The following TRPM3 variants were observed in gnomAD, a reference collection of about 807,000 sequenced individuals.
TRPM3 encodes long transient receptor potential channel 3.
Under a neutral mutation model 181.2 loss-of-function variants are expected in TRPM3, and 77 were observed. The observed-to-expected ratio is 0.42, with a 90% CI of 0.35 to 0.51. TRPM3 has a LOEUF of 0.51. Ranked by LOEUF, TRPM3 falls within the 20% of genes least tolerant of loss-of-function variation. The pLI is 0.01. For synonymous variants in TRPM3, 745 were observed against 796.4 expected, an observed-to-expected ratio of 0.94 and a Z score of 1.09; for missense variants, 1,759 against 2,196.7, an observed-to-expected ratio of 0.80 and a Z score of 3.98.
intron 1 of TRPM3, among the ~76,000 whole-genome samples, chr9:71,175,841 G>C (rs924630377): frequency 6.6e-6 from 1 of 152,190 alleles, no homozygotes; most frequent in African/African-American, 2.4e-5. Flanking sequence ...TTCTCAAATA[G>C]AGTCATGTAC....
chr9:70,542,797 C>A (rs1430248297), intron 25 of TRPM3, among the ~76,000 whole-genome samples: 1 of 152,146 alleles, frequency 6.6e-6, no homozygotes, highest in Non-Finnish European at 1.5e-5. Context: ...CAAAAGCAAT[C>A]CCGTATTGCA....
At chr9:70,905,860 C>T (rs1372835811) in intron 1 of TRPM3, among the ~76,000 whole-genome samples, 1 of 152,040 alleles carries the variant, frequency 6.6e-6, no homozygotes, top group Non-Finnish European at 1.5e-5. Context: ...CCTCCCACTT[C>T]CCGGGTAGCT....
At chr9:71,343,975 T>C (rs1247040783) in intron 1 of TRPM3, among the ~76,000 whole-genome samples, 1 of 151,960 alleles carries the variant, frequency 6.6e-6, no homozygotes, top group Non-Finnish European at 1.5e-5. Flanking sequence ...TGATAACAAT[T>C]ATAACCTATT....
intron 1 of TRPM3, among the ~76,000 whole-genome samples, chr9:71,399,521 C>CTTTTTTTTTTTTTTTTTTTTT (rs1415739241): frequency 9.3e-6 from 1 of 107,518 alleles, no homozygotes. Flanking sequence ...CTTATATTTT[C>CTTTTTTTTTTTTTTTTTTTTT]TTTTGTTTTT....
intron 1 of TRPM3, among the ~76,000 whole-genome samples, chr9:71,235,315 C>G (rs1015244366): frequency 1.3e-5 from 2 of 152,206 alleles, no homozygotes; most frequent in African/African-American, 4.8e-5. Context: ...GAAGTTTACC[C>G]TGATTTGTCA....
rs936536640 is a variant in TRPM3 at position 70,990,531 on chromosome 9, A to G, written c.178-126020T>C. 2.6e-5 allele frequency among the ~76,000 whole-genome samples: 4 copies of G among 152,284 alleles called. No individual in the cohort carries two copies. The South Asian group carries it at 8.3e-4, about 32-fold the overall frequency. On this transcript the variant is annotated intron_variant, in intron 1 of 25. Transcript: ENST00000677713. ...TTCCCTAGATCCCTGTTCCTTTATC[A>G]TATGTGCTTGGATCCAAAACACCCT...
At chr9:71,184,092 T>C (rs117241890) in intron 1 of TRPM3, among the ~76,000 whole-genome samples, 115 of 152,236 alleles carry the variant, frequency 7.6e-4, no homozygotes, top group Non-Finnish European at 1.3e-3. Context: ...AGATTTTTAA[T>C]GCAAATCTCC....
chr9:70,806,703 A>AAT (rs2090771050), intron 6 of TRPM3, among the ~76,000 whole-genome samples: 1 of 151,530 alleles, frequency 6.6e-6, no homozygotes, highest in African/African-American at 2.4e-5. Context: ...AATAAAATAA[A>AAT]ATAAAATAAA....
intron 1 of TRPM3, among the ~76,000 whole-genome samples, chr9:71,146,178 C>T (rs2075396008): frequency 6.6e-6 from 1 of 152,134 alleles, no homozygotes; most frequent in Non-Finnish European, 1.5e-5. Context: ...CTTAGACGTT[C>T]CTTCGTTTTT....
At chr9:71,349,908 T>C (rs1244303352) in intron 1 of TRPM3, among the ~76,000 whole-genome samples, 1 of 151,252 alleles carries the variant, frequency 6.6e-6, no homozygotes, top group Non-Finnish European at 1.5e-5. Context: ...CATAATAGTG[T>C]TCTCATTGTA....
chr9:70,566,243 A>T (rs2050550458), intron 22 of TRPM3, among the ~76,000 whole-genome samples: 1 of 152,176 alleles, frequency 6.6e-6, no homozygotes, highest in Non-Finnish European at 1.5e-5. Flanking sequence ...TGGTGGTGGT[A>T]AGCCACACTA....
chr9:70,617,052 A>G (rs1259177071), intron 17 of TRPM3, among the ~76,000 whole-genome samples: 1 of 152,208 alleles, frequency 6.6e-6, no homozygotes, highest in Non-Finnish European at 1.5e-5. Flanking sequence ...AGGAAAAATG[A>G]TCCTGAAGTA....
chr9:71,133,292 C>CT lies in TRPM3; in HGVS notation c.184-268782dup, dbSNP rs761379173. Among the ~76,000 whole-genome samples the CT allele has an allele frequency of 2.2e-3, 162 of 72,324 alleles. 11 individuals are homozygous for CT. The highest frequency in any genetic ancestry group is 6.8e-3 in the African/African-American group (138 of 20,370). 47.4% of individuals were successfully genotyped at this position (72,324 alleles called of 152,430 possible). On this transcript the variant is annotated intron_variant, in intron 1 of 24. Coordinates refer to the TRPM3 transcript ENST00000357533. ...CATTTGTAATTCTTCTAGCAAATTG[C>CT]TTTTTTTTTTTTTTTTTTTGAGACA...
At chr9:71,312,836 C>T (rs971797907) in intron 1 of TRPM3, among the ~76,000 whole-genome samples, 3 of 151,896 alleles carry the variant, frequency 2.0e-5, no homozygotes, top group African/African-American at 2.4e-5. Flanking sequence ...GTATGACATT[C>T]TGAAAAAGGC....
At chr9:70,959,071 T>G (rs900219275) in intron 1 of TRPM3, among the ~76,000 whole-genome samples, 6 of 151,138 alleles carry the variant, frequency 4.0e-5, no homozygotes, top group Non-Finnish European at 8.8e-5. Context: ...AGTTAATGGG[T>G]GCAGCACACC....
At chr9:71,122,237 C>A (rs543379843), upstream of TRPM3, among the ~76,000 whole-genome samples, 1 of 152,198 alleles carries the variant, frequency 6.6e-6, no homozygotes, top group East Asian at 1.9e-4. Context: ...GGGGTGTCCA[C>A]CCCCATCATT....
intron 1 of TRPM3, among the ~76,000 whole-genome samples, chr9:71,260,005 C>T (rs909060521): frequency 4.6e-5 from 7 of 151,998 alleles, no homozygotes; most frequent in South Asian, 2.1e-4. Flanking sequence ...AGGGTTTTTA[C>T]GGTTTTAAGT....
chr9:70,973,976 T>C (rs944901210), intron 1 of TRPM3, among the ~76,000 whole-genome samples: 6 of 152,214 alleles, frequency 3.9e-5, no homozygotes, highest in Non-Finnish European at 7.3e-5. Flanking sequence ...ATAAAATGCC[T>C]GCACATAGTT....
chr9:71,352,977 T>C (rs1362624123), intron 1 of TRPM3, among the ~76,000 whole-genome samples: 4 of 152,100 alleles, frequency 2.6e-5, no homozygotes, highest in African/African-American at 9.7e-5. Context: ...AACCACTTTG[T>C]TCATAATATA....
Sources: allele counts gnomAD v4.1 joint callset (sites outside exome capture counted in the v4.1 genomes callset), GRCh38; gene constraint gnomAD v4.1.1; transcripts MANE v1.5; gene names NCBI Gene and HGNC (gene_info 2026-07-23, HGNC 2026-07-21).